Variants in CCT4 observed in about 807,000 individuals in gnomAD.
CCT4 encodes the protein chaperonin containing TCP1 subunit 4, also known as T-complex protein 1 subunit delta.
In CCT4, 17 loss-of-function variants were observed where a neutral mutation model predicts 62.5. That is an observed-to-expected ratio of 0.27 (90% CI 0.19 to 0.41). CCT4 has a LOEUF of 0.41. CCT4 is among the 10% of genes least tolerant of loss of function. The pLI is 1.00. For synonymous variants in CCT4, 250 were observed against 229.9 expected, an observed-to-expected ratio of 1.09 and a Z score of -0.79; for missense variants, 592 against 659.2, an observed-to-expected ratio of 0.90 and a Z score of 1.12.
intron 8 of CCT4, among the ~76,000 whole-genome samples, chr2:61,875,422 T>C (rs1237733703): frequency 1.3e-5 from 2 of 149,362 alleles, no homozygotes; most frequent in Non-Finnish European, 3.0e-5. Context: ...ACTCAAAAAA[T>C]ACAAAAAATT....
intron 3 of CCT4, among the ~76,000 whole-genome samples, chr2:61,880,672 G>A (rs899309703): frequency 3.9e-5 from 6 of 152,030 alleles, no homozygotes; most frequent in Middle Eastern, 3.2e-3. Flanking sequence ...AGAATTGGAA[G>A]CTAAGAAAAG....
intron 2 of CCT4, among the ~76,000 whole-genome samples, chr2:61,883,773 G>GACACACACACAC (rs59031193): frequency 1.9e-4 from 27 of 143,940 alleles, no homozygotes; most frequent in South Asian, 4.5e-4. Flanking sequence ...AAGAAATGTA[G>GACACACACACAC]ACACACACAC....
chr2:61,874,700 G>A (rs1668960644), intron 8 of CCT4, among the ~76,000 whole-genome samples: 1 of 151,944 alleles, frequency 6.6e-6, no homozygotes, highest in Non-Finnish European at 1.5e-5. Flanking sequence ...CCCCCAAAAA[G>A]TACCTCTAAA....
rs1435525089 is a variant in CCT4 at position 61,872,586 on chromosome 2, A to T, written c.1128T>A (p.Ile376=). The T allele has an allele frequency of 1.2e-6, 2 of 1,612,994 alleles. No homozygotes were observed. The highest frequency in any genetic ancestry group is 4.5e-5 in the East Asian group (2 of 44,876). Residue 376 remains isoleucine (I), a splice_region_variant and synonymous_variant, in exon 11 of 14, where the codon ATT becomes ATA. Coordinates refer to ENST00000394440, the MANE Select transcript of CCT4 (RefSeq NM_006430.4). Reference sequence around the variant, plus strand: ...TTTTTCCAGGGCTGGCACAGCCTGTAATCTTCAGTAAACAAATTCCAAATT... The same window carrying T: ...TTTTTCCAGGGCTGGCACAGCCTGTTATCTTCAGTAAACAAATTCCAAATT... ...NLNGSGKLLK[I]TGCASPGKTV...
chr2:61,879,627 T>C (rs1307155745), intron 4 of CCT4, among the ~76,000 whole-genome samples: 1 of 152,074 alleles, frequency 6.6e-6, no homozygotes, highest in Non-Finnish European at 1.5e-5. Flanking sequence ...AATAAGTGAT[T>C]GGATAGTCAC....
chr2:61,874,081 T>C (rs1181801552), intron 8 of CCT4, among the ~76,000 whole-genome samples: 4 of 152,118 alleles, frequency 2.6e-5, no homozygotes, highest in Non-Finnish European at 5.9e-5. Context: ...TAATTCAGAC[T>C]CCACAAATTT....
At position 61,888,571 on chromosome 2, in the gene CCT4, G is replaced by A. The variant is rs1330595777; in HGVS notation, c.-64C>T. On this transcript the variant is annotated 5_prime_UTR_variant, in exon 1 of 14. Coordinates refer to ENST00000394440, the MANE Select transcript of CCT4 (RefSeq NM_006430.4). ...GGATGGACCCGGATTCTGGCCGGCC[G>A]CAGTGTAATAACGGTAAGCCCTCAC... 9 of 1,569,630 alleles carry A rather than the reference G, an allele frequency of 5.7e-6. No homozygotes were observed. The highest frequency in any genetic ancestry group is 1.4e-5 in the African/African-American group (1 of 74,046).
In CCT4 at chr2:61,872,115, C is replaced by A. The variant is rs771635404; in HGVS notation, c.1458G>T (p.Gln486His). Reference sequence around the variant, plus strand: ...CATTAATGCCTGCAGTTTTTTCTCCCTGGGCATGCCGGTTTCTTAGTTCTG... The same window carrying A: ...CATTAATGCCTGCAGTTTTTTCTCCATGGGCATGCCGGTTTCTTAGTTCTG... ...TVTELRNRHA[Q>H]GEKTAGINVR... Residue 486 changes from glutamine (Q) to histidine (H), a missense_variant, in exon 12 of 14, where the codon CAG (glutamine) becomes CAT (histidine). Physicochemically the swap from Gln to His is conservative, Grantham distance 24 (BLOSUM62 0). This residue lies in a region of CCT4 where 522 missense variants were observed against 571.2 expected (regional missense o/e 0.91). Transcript: ENST00000394440. 6.2e-7 allele frequency: 1 copy of A among 1,613,642 alleles called. No homozygotes were observed. Among genetic ancestry groups the A allele is most frequent in the Non-Finnish European group, 8.5e-7 (1 of 1,179,834 alleles).
At chr2:61,871,723 T>C (rs1053596658) in intron 12 of CCT4, among the ~76,000 whole-genome samples, 1 of 152,256 alleles carries the variant, frequency 6.6e-6, no homozygotes, top group African/African-American at 2.4e-5. Flanking sequence ...CTTTAGTATA[T>C]GCCAAGCATC....
chr2:61,880,256 T>C (rs754203601), intron 4 of CCT4, 30 bp downstream of exon 4: 1 of 1,206,158 alleles, frequency 8.3e-7, no homozygotes, highest in Non-Finnish European at 1.2e-6. Flanking sequence ...AAACTTTTCT[T>C]TATTCAGTAA....
chr2:61,876,659 A>G (rs1197834644), intron 7 of CCT4, among the ~76,000 whole-genome samples: 1 of 152,164 alleles, frequency 6.6e-6, no homozygotes, highest in Admixed American at 6.6e-5. Context: ...CCTAGGTTCA[A>G]GCAATTTTTC....
At chr2:61,884,530 T>G (rs10176376) in intron 2 of CCT4, among the ~76,000 whole-genome samples, 1 of 152,060 alleles carries the variant, frequency 6.6e-6, no homozygotes, top group Non-Finnish European at 1.5e-5. Flanking sequence ...AGGCTGGTCT[T>G]GAACTCTTGA....
chr2:61,871,710 A>C (rs906961245), intron 12 of CCT4, among the ~76,000 whole-genome samples: 37 of 152,228 alleles, frequency 2.4e-4, no homozygotes, highest in South Asian at 2.1e-4. Context: ...TTTTTTATAC[A>C]GTCTTTAGTA....
At chr2:61,869,372 CA>C in intron 13 of CCT4, 67 bp downstream of exon 13, 1 of 898,902 alleles carries the variant, frequency 1.1e-6, no homozygotes, top group Non-Finnish European at 1.8e-6. Context: ...ACAACAACAA[CA>C]AAAAACCTTT....
In CCT4 at chr2:61,876,978, C is replaced by T; in HGVS notation, c.719G>A (p.Arg240Lys). ...TQKVSNSGITRVEKAKIGLIQ... is the reference protein window; with the variant it reads ...TQKVSNSGITKVEKAKIGLIQ... ...AAGCCCAATCTTGGCCTTTTCAACT[C>T]TGGTTATGCCAGAATTTGACACTTT... Residue 240 changes from arginine (R) to lysine (K), a missense_variant, in exon 7 of 14, where the codon AGA becomes AAA. By Grantham distance (26) the Arg-to-Lys change is conservative. This residue lies in a region of CCT4 where 522 missense variants were observed against 571.2 expected (regional missense o/e 0.91). Coordinates refer to ENST00000394440, the MANE Select transcript of CCT4 (RefSeq NM_006430.4). 6.2e-7 allele frequency: 1 copy of T among 1,613,918 alleles called. No homozygotes were observed. Among genetic ancestry groups the T allele is most frequent in the Non-Finnish European group, 8.5e-7 (1 of 1,179,840 alleles).
chr2:61,883,308 C>A, intron 3 of CCT4, 151 bp downstream of exon 3: 2 of 533,284 alleles, frequency 3.8e-6, no homozygotes, highest in Non-Finnish European at 6.5e-6. Flanking sequence ...GTAATCCCAG[C>A]TACTCAGGAG....
At chr2:61,887,487 C>T (rs897659250) in intron 1 of CCT4, among the ~76,000 whole-genome samples, 2 of 152,200 alleles carry the variant, frequency 1.3e-5, no homozygotes, top group Non-Finnish European at 2.9e-5. Flanking sequence ...TCTAATCTCA[C>T]CTCTTCTGTA....
chr2:61,869,648 GTT>G lies in CCT4; in HGVS notation c.1492-97_1492-96del. The G allele has an allele frequency of 4.2e-6, 3 of 709,898 alleles. No individual in the cohort carries two copies. The East Asian group carries it at 7.5e-5, about 18-fold the overall frequency. 44.0% of individuals were successfully genotyped at this position (709,898 alleles called of 1,614,324 possible). A position where few individuals can be genotyped will look rare whatever the true frequency, so the allele number is the denominator to read the frequency against. On this transcript the variant is annotated intron_variant, in intron 12 of 13. Coordinates refer to ENST00000394440, the MANE Select transcript of CCT4 (RefSeq NM_006430.4). ...CAGTGTACCTCAAGACCTAAATCTA[GTT>G]TTCTTTCTGTCTAAGAAGATTAGAA...
intron 10 of CCT4, 48 bp downstream of exon 10, chr2:61,872,954 C>G (rs1211100283): frequency 9.2e-7 from 1 of 1,089,010 alleles, no homozygotes; most frequent in Non-Finnish European, 1.4e-6. Flanking sequence ...AACCTAAAAC[C>G]CCATACCCAA....
Sources: allele counts gnomAD v4.1 joint callset (sites outside exome capture counted in the v4.1 genomes callset), GRCh38; gene constraint gnomAD v4.1.1; regional missense constraint gnomAD v4.1.1; transcripts MANE v1.5; gene names NCBI Gene and HGNC (gene_info 2026-07-23, HGNC 2026-07-21).